PLCL1: variants seen among roughly 807,000 people sequenced by gnomAD.
The protein encoded by PLCL1 is phospholipase C like 1 (inactive).
In PLCL1, 41 loss-of-function variants were observed where a neutral mutation model predicts 84.4. The observed-to-expected ratio is 0.49, with a 90% CI of 0.38 to 0.63. The LOEUF (loss-of-function observed/expected upper bound fraction) is 0.63, where lower values mean the gene tolerates loss of function less well. Ranked by LOEUF, PLCL1 falls within the 30% of genes least tolerant of loss-of-function variation. PLCL1 has a pLI of 0.00. For synonymous variants in PLCL1, 490 were observed against 488.3 expected (o/e 1.00, Z -0.05); for missense variants, 1,206 against 1,367.8 (o/e 0.88, Z 1.87).
At position 198,146,853 on chromosome 2, in the gene PLCL1, T is replaced by C. The variant is rs995370855; in HGVS notation, c.3179T>C (p.Leu1060Pro). The C allele has an allele frequency of 1.9e-6, 3 of 1,613,662 alleles. No individual in the cohort carries two copies. Among genetic ancestry groups the C allele is most frequent in the South Asian group, 1.1e-5 (1 of 91,054 alleles). The change falls in exon 6 of 6, where the codon CTG becomes CCG. Residue 1060 changes from leucine (L) to proline (P), a missense_variant. By Grantham distance (98) the Leu-to-Pro change is moderately conservative. Transcript: ENST00000428675. The part of the protein sequence containing the change: ...ENMKQIQLAC[L>P]SCGLSKAPSS... The stretch of plus-strand genomic sequence containing the variant: ...ATGAAGCAGATCCAGCTGGCATGCC[T>C]GTCCTGTGGACTGAGTAAAGCCCCC...
intron 5 of PLCL1, among the ~76,000 whole-genome samples, chr2:198,111,313 T>C (rs80269969): frequency 6.5e-4 from 99 of 151,934 alleles, no homozygotes; most frequent in African/African-American, 2.2e-3. Flanking sequence ...GCAAAAATGG[T>C]CTTTAAAAGC....
chr2:197,973,636 G>T (rs895432459), intron 1 of PLCL1, among the ~76,000 whole-genome samples: 2 of 152,170 alleles, frequency 1.3e-5, no homozygotes, highest in Non-Finnish European at 2.9e-5. Flanking sequence ...CCAGGAGAGG[G>T]ATTGGCAAGG....
intron 1 of PLCL1, among the ~76,000 whole-genome samples, chr2:197,973,302 A>G (rs1240643108): frequency 6.6e-6 from 1 of 152,144 alleles, no homozygotes; most frequent in Non-Finnish European, 1.5e-5. Flanking sequence ...CCAATTCAGC[A>G]GATTTTTGAG....
chr2:197,950,318 A>G (rs777317259), intron 1 of PLCL1, among the ~76,000 whole-genome samples: 2 of 152,058 alleles, frequency 1.3e-5, no homozygotes, highest in Non-Finnish European at 1.5e-5. Context: ...CCAGTTCTTC[A>G]GTTCCACAGC....
intron 1 of PLCL1, among the ~76,000 whole-genome samples, chr2:197,837,889 T>C (rs1027722048): frequency 6.6e-6 from 1 of 152,200 alleles, no homozygotes; most frequent in African/African-American, 2.4e-5. Context: ...ACAGCAGCAT[T>C]TGTTTGAAAT....
At chr2:198,057,432 T>C (rs1353528726) in intron 1 of PLCL1, among the ~76,000 whole-genome samples, 1 of 152,090 alleles carries the variant, frequency 6.6e-6, no homozygotes, top group East Asian at 1.9e-4. Context: ...TTTAGTCTTC[T>C]CGGTACACCT....
chr2:198,048,503 G>A (rs1019646393), intron 1 of PLCL1, among the ~76,000 whole-genome samples: 4 of 152,194 alleles, frequency 2.6e-5, no homozygotes, highest in Non-Finnish European at 5.9e-5. Flanking sequence ...AAGAAGCATG[G>A]CACCAGCATC....
chr2:198,071,492 C>T (rs769085405), intron 1 of PLCL1, among the ~76,000 whole-genome samples: 1 of 151,756 alleles, frequency 6.6e-6, no homozygotes. Context: ...CATTTCCCTA[C>T]CTTTAGTAAT....
At chr2:198,028,067 C>G (rs1056456914) in intron 1 of PLCL1, among the ~76,000 whole-genome samples, 1 of 152,142 alleles carries the variant, frequency 6.6e-6, no homozygotes, top group African/African-American at 2.4e-5. Context: ...TCTTGAATCC[C>G]TGGCCTTAAG....
At chr2:197,893,294 A>G (rs1223948555) in intron 1 of PLCL1, among the ~76,000 whole-genome samples, 2 of 152,234 alleles carry the variant, frequency 1.3e-5, no homozygotes, top group Non-Finnish European at 2.9e-5. Context: ...TTGGCTAGAA[A>G]GCATAAATAT....
At chr2:197,890,682 C>CTATATATATATATA (rs1553500076) in intron 1 of PLCL1, among the ~76,000 whole-genome samples, 32 of 116,168 alleles carry the variant, frequency 2.8e-4, no homozygotes, top group Admixed American at 5.1e-4. Flanking sequence ...TATTTTTTTG[C>CTATATATATATATA]TATATATATA....
chr2:198,034,951 A>C (rs1402543261), intron 1 of PLCL1, among the ~76,000 whole-genome samples: 6 of 152,206 alleles, frequency 3.9e-5, no homozygotes, highest in African/African-American at 1.4e-4. Context: ...TGTTTTTGGC[A>C]AGAACACCAC....
chr2:198,065,793 A>G (rs954056694), intron 1 of PLCL1, among the ~76,000 whole-genome samples: 1 of 152,182 alleles, frequency 6.6e-6, no homozygotes, highest in East Asian at 1.9e-4. Flanking sequence ...GATGTAAAAC[A>G]TGTTTTTAAT....
At chr2:197,951,242 G>A (rs1574965255) in intron 1 of PLCL1, among the ~76,000 whole-genome samples, 1 of 152,150 alleles carries the variant, frequency 6.6e-6, no homozygotes, top group East Asian at 1.9e-4. Flanking sequence ...ATAATGGTCT[G>A]CTATTGTCTG....
intron 5 of PLCL1, among the ~76,000 whole-genome samples, chr2:198,129,535 T>A (rs888286685): frequency 6.6e-6 from 1 of 152,154 alleles, no homozygotes; most frequent in Non-Finnish European, 1.5e-5. Context: ...CCTCCTAAAA[T>A]TTAAAATATC....
chr2:198,130,862 C>T (rs935984915), intron 5 of PLCL1, among the ~76,000 whole-genome samples: 4 of 152,074 alleles, frequency 2.6e-5, no homozygotes, highest in African/African-American at 9.7e-5. Flanking sequence ...GTCATTTCTC[C>T]TCTATCCTTT....
rs934149974 is a variant in PLCL1, at chr2:197,926,169, A to T, written c.240+120830A>T. Among the ~76,000 whole-genome samples, 38 of 152,156 alleles carry T rather than the reference A, an allele frequency of 2.5e-4. 1 individual carries two copies. The highest frequency in any genetic ancestry group is 1.3e-3 in the Admixed American group (20 of 15,270). ...CTGTGATTTTTTTCTACCTCCAAAG[A>T]GTATATGAGTAGATTCAATAACATG... On this transcript the variant is annotated intron_variant, in intron 1 of 5. Transcript: ENST00000428675.
intron 1 of PLCL1, among the ~76,000 whole-genome samples, chr2:198,047,209 G>A (rs1282430574): frequency 6.6e-6 from 1 of 151,658 alleles, no homozygotes; most frequent in African/African-American, 2.4e-5. Context: ...TTTTGAGAGG[G>A]AGTCTCACAC....
chr2:198,091,842 T>C (rs1205233615), intron 3 of PLCL1, among the ~76,000 whole-genome samples: 1 of 152,188 alleles, frequency 6.6e-6, no homozygotes, highest in Non-Finnish European at 1.5e-5. Context: ...AACTCCTGAC[T>C]GTGGCTTTAC....
Sources: allele counts gnomAD v4.1 joint callset (sites outside exome capture counted in the v4.1 genomes callset), GRCh38; gene constraint gnomAD v4.1.1; transcripts MANE v1.5; gene names NCBI Gene and HGNC (gene_info 2026-07-23, HGNC 2026-07-21).